CDH12: variants seen among roughly 807,000 people sequenced by gnomAD.
CDH12 encodes cadherin 12.
CDH12 carries 41 observed loss-of-function variants against 74.1 expected under a neutral mutation model. That is an observed-to-expected ratio of 0.55 (90% CI 0.43 to 0.72). The LOEUF (loss-of-function observed/expected upper bound fraction) is 0.72, where lower values mean the gene tolerates loss of function less well. CDH12 is among the 30% of genes least tolerant of loss of function. The probability of loss-of-function intolerance (pLI) is 0.00; values close to 1 mark genes in which losing one functional copy is unlikely to be tolerated. For missense variants in CDH12, 945 were observed against 977.2 expected, an observed-to-expected ratio of 0.97 and a Z score of 0.44; for synonymous variants, 399 against 355.0, an observed-to-expected ratio of 1.12 and a Z score of -1.39.
intron 1 of CDH12, among the ~76,000 whole-genome samples, chr5:22,592,270 C>T (rs921597838): frequency 6.6e-6 from 1 of 152,192 alleles, no homozygotes; most frequent in African/African-American, 2.4e-5. Flanking sequence ...CCTCTTTCCA[C>T]AGGCTGTACT....
chr5:22,305,436 TAAAAG>T (rs751906506), intron 3 of CDH12, among the ~76,000 whole-genome samples: 2 of 152,140 alleles, frequency 1.3e-5, no homozygotes, highest in Non-Finnish European at 2.9e-5. Context: ...TCTCATCTGT[TAAAAG>T]AAGAGAAAGA....
intron 2 of CDH12, among the ~76,000 whole-genome samples, chr5:22,470,452 T>C (rs1745912362): frequency 6.6e-6 from 1 of 151,302 alleles, no homozygotes. Flanking sequence ...GGTCTCACTG[T>C]TTGTTGCTCA....
intron 3 of CDH12, among the ~76,000 whole-genome samples, chr5:22,276,482 C>G (rs1308277236): frequency 6.6e-6 from 1 of 152,158 alleles, no homozygotes; most frequent in Non-Finnish European, 1.5e-5. Context: ...AATAGCATGT[C>G]TACTTTTAAA....
chr5:21,842,220 G>T lies in CDH12; in HGVS notation c.755C>A (p.Thr252Lys), dbSNP rs1239506508. Residue 252 changes from threonine (T) to lysine (K), a missense_variant, in exon 8 of 15, where the codon ACA (threonine) becomes AAA (lysine). Transcript: ENST00000382254. ...MGGQLGGLAG[T>K]TIVNITLTDV... Reference sequence around the variant, plus strand: ...GGTGAGAGTGATGTTGACTATTGTTGTTCCGGCTAATCCTCCAAGCTGTCC... The same window carrying T: ...GGTGAGAGTGATGTTGACTATTGTTTTTCCGGCTAATCCTCCAAGCTGTCC... 1 of 1,613,408 alleles carries T rather than the reference G, an allele frequency of 6.2e-7. No homozygotes were observed. The highest frequency in any genetic ancestry group is 1.3e-5 in the African/African-American group (1 of 74,860).
chr5:22,552,428 C>A (rs1235066996), intron 1 of CDH12, among the ~76,000 whole-genome samples: 1 of 150,430 alleles, frequency 6.6e-6, no homozygotes, highest in Non-Finnish European at 1.5e-5. Flanking sequence ...CCCCCATTTT[C>A]TTTTCTTTTT....
chr5:21,944,125 A>G (rs1264904271), intron 6 of CDH12, among the ~76,000 whole-genome samples: 1 of 152,194 alleles, frequency 6.6e-6, no homozygotes, highest in Non-Finnish European at 1.5e-5. Flanking sequence ...ACAAAAGAGA[A>G]AACTGAGCCG....
intron 3 of CDH12, among the ~76,000 whole-genome samples, chr5:22,220,209 T>G (rs1407415763): frequency 6.6e-6 from 1 of 151,806 alleles, no homozygotes; most frequent in Non-Finnish European, 1.5e-5. Flanking sequence ...GGCAAGTGTT[T>G]GTACATGCGT....
intron 3 of CDH12, among the ~76,000 whole-genome samples, chr5:22,388,349 T>C (rs1300681529): frequency 6.6e-6 from 1 of 151,902 alleles, no homozygotes; most frequent in Non-Finnish European, 1.5e-5. Context: ...AATAATATAT[T>C]AAAGAAAAGA....
At chr5:21,756,156 T>G (rs1387137076) in intron 13 of CDH12, among the ~76,000 whole-genome samples, 1 of 152,132 alleles carries the variant, frequency 6.6e-6, no homozygotes, top group Non-Finnish European at 1.5e-5. Flanking sequence ...AAAAAATAGT[T>G]TTGTAAATAG....
intron 3 of CDH12, among the ~76,000 whole-genome samples, chr5:22,338,375 C>T (rs1392392236): frequency 6.6e-6 from 1 of 151,554 alleles, no homozygotes; most frequent in Non-Finnish European, 1.5e-5. Flanking sequence ...AAAATCAAAA[C>T]GATTGAACCC....
At chr5:21,827,567 C>A (rs548094225) in intron 8 of CDH12, among the ~76,000 whole-genome samples, 3 of 152,092 alleles carry the variant, frequency 2.0e-5, no homozygotes, top group Non-Finnish European at 2.9e-5. Flanking sequence ...CGAATTATTA[C>A]GTTTAATACT....
At chr5:22,404,397 C>CA (rs1180028731) in intron 3 of CDH12, among the ~76,000 whole-genome samples, 8 of 152,066 alleles carry the variant, frequency 5.3e-5, no homozygotes, top group Non-Finnish European at 1.2e-4. Flanking sequence ...TTTAGTGATA[C>CA]AAAAAATAAA....
intron 3 of CDH12, among the ~76,000 whole-genome samples, chr5:22,256,814 T>C (rs1304279665): frequency 1.3e-5 from 2 of 152,074 alleles, no homozygotes; most frequent in African/African-American, 2.4e-5. Flanking sequence ...AAATAAAAAG[T>C]GGACCCAGCA....
chr5:21,833,124 A>AT (rs1253521196), intron 8 of CDH12, among the ~76,000 whole-genome samples: 1 of 70,874 alleles, frequency 1.4e-5, no homozygotes, highest in Non-Finnish European at 2.4e-5. Flanking sequence ...TATAATATAT[A>AT]TTATATTATA....
intron 1 of CDH12, among the ~76,000 whole-genome samples, chr5:22,707,052 G>C (rs186253946): frequency 8.5e-5 from 13 of 152,164 alleles, no homozygotes; most frequent in Admixed American, 7.2e-4. Context: ...CATTTGAACT[G>C]ATCAGTCATC....
intron 6 of CDH12, among the ~76,000 whole-genome samples, chr5:21,967,641 T>C (rs562861801): frequency 6.6e-5 from 10 of 152,326 alleles, no homozygotes; most frequent in Admixed American, 1.3e-4. Flanking sequence ...ACAGCATGGT[T>C]TATGTTTAGG....
At chr5:22,082,024 G>A (rs966889865) in intron 4 of CDH12, among the ~76,000 whole-genome samples, 5 of 152,228 alleles carry the variant, frequency 3.3e-5, no homozygotes, top group East Asian at 3.9e-4. Flanking sequence ...GGATAGTACC[G>A]AAGCTGTTAT....
At chr5:22,161,622 T>G (rs911388281) in intron 4 of CDH12, among the ~76,000 whole-genome samples, 1 of 151,340 alleles carries the variant, frequency 6.6e-6, no homozygotes, top group East Asian at 1.9e-4. Context: ...AGCTCAGGAG[T>G]TCAAGATTGC....
intron 10 of CDH12, among the ~76,000 whole-genome samples, chr5:21,797,586 G>A (rs148453617): frequency 3.3e-5 from 5 of 152,096 alleles, no homozygotes; most frequent in East Asian, 3.9e-4. Flanking sequence ...CAAGTGGGCC[G>A]ACTGCGACTC....
Sources: gnomAD v4.1 joint callset for allele counts (sites outside exome capture counted in the v4.1 genomes callset) on GRCh38, gnomAD v4.1.1 for gene constraint, MANE v1.5 for transcripts, NCBI Gene and HGNC (gene_info 2026-07-23, HGNC 2026-07-21) for gene names.